PTPRG: variants seen among roughly 807,000 people sequenced by gnomAD.
PTPRG encodes protein tyrosine phosphatase receptor type G, also known as receptor-type tyrosine-protein phosphatase gamma.
PTPRG carries 102 observed loss-of-function variants against 165.3 expected under a neutral mutation model. The ratio of observed to expected loss-of-function variants is 0.62; its 90% CI spans 0.53 to 0.73. The LOEUF (loss-of-function observed/expected upper bound fraction) is 0.73, where lower values mean the gene tolerates loss of function less well. Ranked by LOEUF, PTPRG falls within the 30% of genes least tolerant of loss-of-function variation. The pLI is 0.00. For missense variants in PTPRG, 1,866 were observed against 1,861.4 expected, an observed-to-expected ratio of 1.00 and a Z score of -0.05; for synonymous variants, 675 against 669.5, an observed-to-expected ratio of 1.01 and a Z score of -0.13.
At chr3:61,749,107 TAA>T in intron 2 of PTPRG, 125 bp downstream of exon 2, 1 of 833,106 alleles carries the variant, frequency 1.2e-6, no homozygotes, top group Non-Finnish European at 2.0e-6. Flanking sequence ...CGTAGTTCAC[TAA>T]AAGTTGAAAT....
chr3:62,023,341 T>G (rs2041741257), intron 4 of PTPRG, among the ~76,000 whole-genome samples: 1 of 152,162 alleles, frequency 6.6e-6, no homozygotes, highest in African/African-American at 2.4e-5. Context: ...ATGATGAAAT[T>G]TACCTCAACT....
intron 5 of PTPRG, among the ~76,000 whole-genome samples, chr3:62,116,927 TGAG>T (rs1301153516): frequency 6.6e-6 from 1 of 152,184 alleles, no homozygotes; most frequent in African/African-American, 2.4e-5. Flanking sequence ...CTGACAGTCT[TGAG>T]GAGCTAATGC....
chr3:61,667,794 TA>T (rs60917362), intron 1 of PTPRG, among the ~76,000 whole-genome samples: 3,378 of 141,428 alleles, frequency 0.024, 90 homozygotes, highest in African/African-American at 0.069. Flanking sequence ...TTTTTTTAAT[TA>T]AAAAAAAAAA....
intron 21 of PTPRG, 63 bp from the exon 22 acceptor site, chr3:62,272,883 C>A (rs530976656): frequency 2.1e-6 from 3 of 1,432,120 alleles, no homozygotes; most frequent in South Asian, 1.6e-5. Context: ...TGGAATTTTT[C>A]GAATCCAAAG....
chr3:62,161,786 T>C (rs1704771595), intron 7 of PTPRG, among the ~76,000 whole-genome samples: 1 of 152,196 alleles, frequency 6.6e-6, no homozygotes, highest in Admixed American at 6.5e-5. Context: ...GTAAGTAAAA[T>C]TTCGGATGCT....
At chr3:61,872,967 A>G (rs945555593) in intron 2 of PTPRG, among the ~76,000 whole-genome samples, 1 of 152,242 alleles carries the variant, frequency 6.6e-6, no homozygotes, top group Non-Finnish European at 1.5e-5. Context: ...TAAAGAGTTG[A>G]TTGTGGGTCA....
intron 4 of PTPRG, among the ~76,000 whole-genome samples, chr3:62,004,569 G>C (rs539435468): frequency 6.6e-6 from 1 of 152,090 alleles, no homozygotes; most frequent in Non-Finnish European, 1.5e-5. Flanking sequence ...TTAGTCAGTC[G>C]GGGAGCTGGA....
At chr3:61,594,681 T>G (rs894604055) in intron 1 of PTPRG, among the ~76,000 whole-genome samples, 1 of 152,214 alleles carries the variant, frequency 6.6e-6, no homozygotes, top group Non-Finnish European at 1.5e-5. Context: ...GTCCTTTGTT[T>G]GAACCTCAAA....
intron 2 of PTPRG, among the ~76,000 whole-genome samples, chr3:61,910,510 C>G (rs1054412272): frequency 6.6e-6 from 1 of 152,186 alleles, no homozygotes; most frequent in Non-Finnish European, 1.5e-5. Context: ...CCTTTAACCA[C>G]TGGATTTTCC....
chr3:62,228,332 C>A lies in PTPRG; in HGVS notation c.2289-2893C>A, dbSNP rs945521148. On this transcript the variant is annotated intron_variant, in intron 13 of 29. Coordinates refer to ENST00000474889, the MANE Select transcript of PTPRG (RefSeq NM_002841.4). The surrounding 1 kb of genome is among the most constrained non-coding windows in gnomAD (Gnocchi z 4.1). ...GGTCAGGAGTTCAAGAACAGCCTGG[C>A]CAAAATGGTGAAACCCCGTCTACTA... 2.0e-5 allele frequency among the ~76,000 whole-genome samples: 3 copies of A among 151,760 alleles called. No individual in the cohort carries two copies. Among genetic ancestry groups the A allele is most frequent in the African/African-American group, 7.3e-5 (3 of 41,260 alleles).
Position 61,887,123 on chromosome 3 carries a change from CATATATATATATATATATAT to C in PTPRG, c.191-102473_191-102454del, listed in dbSNP as rs148352398. Among the ~76,000 whole-genome samples the C allele has an allele frequency of 4.5e-4, 39 of 85,942 alleles. 3 individuals are homozygous for C. The East Asian group carries it at 0.016, about 34-fold the overall frequency. 56.4% of individuals were successfully genotyped at this position (85,942 alleles called of 152,430 possible). ...ATTTTTAAAGTATAACCATAGCATG[CATATATATATATATATATAT>C]ATATATATATATATATATATATATA... On this transcript the variant is annotated intron_variant, in intron 2 of 29. Transcript: ENST00000474889.
intron 2 of PTPRG, chr3:61,925,844 C>T (rs751896357): frequency 1.1e-5 from 5 of 475,600 alleles, no homozygotes; most frequent in South Asian, 3.0e-5. Flanking sequence ...TGGCTTGTCC[C>T]GAGCATGACT....
intron 2 of PTPRG, among the ~76,000 whole-genome samples, chr3:61,866,736 C>T (rs900186424): frequency 6.6e-6 from 1 of 151,604 alleles, no homozygotes; most frequent in Non-Finnish European, 1.5e-5. Flanking sequence ...GTAGCTGGGA[C>T]TACAGGCATG....
chr3:61,973,724 C>A (rs1363721951), intron 2 of PTPRG, among the ~76,000 whole-genome samples: 1 of 151,766 alleles, frequency 6.6e-6, no homozygotes, highest in Non-Finnish European at 1.5e-5. Flanking sequence ...CCCAGCTACT[C>A]GGGAGGTTGA....
intron 5 of PTPRG, among the ~76,000 whole-genome samples, chr3:62,109,506 C>A (rs1702591674): frequency 6.6e-6 from 1 of 152,064 alleles, no homozygotes; most frequent in Non-Finnish European, 1.5e-5. Context: ...TCTTCTTGCC[C>A]AGGATTGTCT....
intron 5 of PTPRG, among the ~76,000 whole-genome samples, chr3:62,106,710 C>G (rs1172033369): frequency 6.6e-6 from 1 of 152,102 alleles, no homozygotes; most frequent in African/African-American, 2.4e-5. Context: ...ACCAAGCCCT[C>G]TTGATATCTT....
At chr3:61,765,925 A>G (rs1482418902) in intron 2 of PTPRG, among the ~76,000 whole-genome samples, 1 of 152,212 alleles carries the variant, frequency 6.6e-6, no homozygotes, top group East Asian at 1.9e-4. Flanking sequence ...ATATTTGAGT[A>G]TAAAGATAGA....
chr3:61,969,383 A>G (rs1288275604), intron 2 of PTPRG, among the ~76,000 whole-genome samples: 3 of 152,236 alleles, frequency 2.0e-5, no homozygotes, highest in Non-Finnish European at 2.9e-5. Context: ...ATAACAAATA[A>G]TTTGTGAATG....
rs549085221 is a variant in PTPRG at position 61,871,586 on chromosome 3, T to C, written c.191-118039T>C. ...AGGAAAAAGTTCATCCTCTGGGCCCTGTTGGATCATGGTTGATGTAGTATG... is the reference window on the plus strand; with the variant it reads ...AGGAAAAAGTTCATCCTCTGGGCCCCGTTGGATCATGGTTGATGTAGTATG... On this transcript the variant is annotated intron_variant, in intron 2 of 29. Transcript: ENST00000474889. 2.6e-5 allele frequency among the ~76,000 whole-genome samples: 4 copies of C among 152,258 alleles called. No homozygotes were observed. In the East Asian group the frequency reaches 7.7e-4, roughly 29 times the overall value.
Sources: gnomAD v4.1 joint callset for allele counts (sites outside exome capture counted in the v4.1 genomes callset) on GRCh38, gnomAD v4.1.1 for gene constraint, Gnocchi (gnomAD v3.1) non-coding constraint, MANE v1.5 for transcripts, NCBI Gene and HGNC (gene_info 2026-07-23, HGNC 2026-07-21) for gene names.